PRR14L: variants seen among roughly 807,000 people sequenced by gnomAD.
The protein encoded by PRR14L is proline rich 14 like, also known as protein PRR14L.
Under a neutral mutation model 155.0 loss-of-function variants are expected in PRR14L, and 80 were observed. That is an observed-to-expected ratio of 0.52 (90% confidence interval 0.43 to 0.62). The LOEUF (loss-of-function observed/expected upper bound fraction) is 0.62. Ranked by LOEUF, PRR14L falls within the 20% of genes least tolerant of loss-of-function variation. PRR14L has a pLI of 0.00. For missense variants in PRR14L, 2,469 were observed against 2,548.0 expected (o/e 0.97, Z 0.67); for synonymous variants, 883 against 916.0 (o/e 0.96, Z 0.65).
chr22:31,702,170 G>A (rs1318990682), intron 6 of PRR14L, among the ~76,000 whole-genome samples: 1 of 152,140 alleles, frequency 6.6e-6, no homozygotes, highest in Non-Finnish European at 1.5e-5. Flanking sequence ...CTCTAGAGAT[G>A]ACTCTATTAA....
intron 1 of PRR14L, among the ~76,000 whole-genome samples, chr22:31,741,695 A>G (rs1408832596): frequency 6.6e-6 from 1 of 152,070 alleles, no homozygotes; most frequent in Non-Finnish European, 1.5e-5. Flanking sequence ...GATATGGTGA[A>G]ACCCTGTCTC....
At chr22:31,733,304 T>G (rs1879363461) in intron 2 of PRR14L, among the ~76,000 whole-genome samples, 2 of 138,450 alleles carry the variant, frequency 1.4e-5, no homozygotes, top group Non-Finnish European at 3.1e-5. Flanking sequence ...CACTGTTTTT[T>G]TTTTTTTTTT....
In PRR14L at chr22:31,715,468, C is replaced by A. The variant is rs2074651916; in HGVS notation, c.2371G>T (p.Val791Leu). ...TTTTCCTGGGATACATTTTTTCTTA[C>A]ACGATGACAGCTAGAGATATCCTGA... ...QSQDISSCHR[V>L]RKNVSQENMC... Residue 791 changes from valine to leucine, a missense_variant, in exon 4 of 9, where the codon GTA (valine) becomes TTA (leucine). This residue lies in a region of PRR14L where 2,363 missense variants were observed against 2,371.6 expected (regional missense o/e 1.00). Coordinates refer to ENST00000327423, the MANE Select transcript of PRR14L (RefSeq NM_173566.3). 1 of 1,552,338 alleles carries A rather than the reference C, an allele frequency of 6.4e-7. No individual in the cohort carries two copies. Among genetic ancestry groups the A allele is most frequent in the Non-Finnish European group, 8.7e-7 (1 of 1,147,126 alleles).
chr22:31,717,107 T>C lies in PRR14L; in HGVS notation c.732A>G (p.Ser244=), dbSNP rs974210573. ...VDKIMTSDEV[S]ETSTLVTPEP... is the part of the protein sequence containing the mutation. ...CTGGGGTAACTAATGTGCTGGTTTC[T>C]GAAACCTCATCACTGGTCATGATTT... is the stretch of plus-strand genomic sequence containing the variant. Residue 244 remains serine (S), a synonymous_variant, in exon 4 of 9, where the codon TCA becomes TCG. Coordinates refer to ENST00000327423, the MANE Select transcript of PRR14L (RefSeq NM_173566.3). The C allele has an allele frequency of 7.7e-6, 12 of 1,552,172 alleles. No individual in the cohort carries two copies. In the African/African-American group the frequency reaches 1.4e-4, roughly 18 times the overall value.
chr22:31,716,103 T>A lies in PRR14L; in HGVS notation c.1736A>T (p.Asp579Val), dbSNP rs1371507271. The A allele has an allele frequency of 6.4e-7, 1 of 1,551,230 alleles. No homozygotes were observed. Among genetic ancestry groups the A allele is most frequent in the Middle Eastern group, 1.7e-4 (1 of 5,992 alleles). The change falls in exon 4 of 9, where the codon GAT (aspartate) becomes GTT (valine). Residue 579 changes from aspartate (D) to valine (V), a missense_variant. By Grantham distance (152) the Asp-to-Val change is radical. This residue lies in a region of PRR14L where 2,363 missense variants were observed against 2,371.6 expected (regional missense o/e 1.00). Coordinates refer to ENST00000327423, the MANE Select transcript of PRR14L (RefSeq NM_173566.3). ...TACCTCACTTACAGGACTTATTTGA[T>A]CCTCTGGCATTAAACTCACAATGGA... ...RKSIVSLMPE[D>V]QISPVSEVLK...
At chr22:31,720,373 T>C (rs2147867416) in intron 3 of PRR14L, among the ~76,000 whole-genome samples, 1 of 152,278 alleles carries the variant, frequency 6.6e-6, no homozygotes, top group South Asian at 2.1e-4. Context: ...CAACACACAA[T>C]ACTTATCATT....
At chr22:31,733,009 C>CA (rs1166409096) in intron 2 of PRR14L, among the ~76,000 whole-genome samples, 1 of 143,666 alleles carries the variant, frequency 7.0e-6, no homozygotes, top group Non-Finnish European at 1.5e-5. Flanking sequence ...TTTTTTGAGA[C>CA]AGAGTTTTGC....
chr22:31,736,028 G>A (rs1282512505), intron 2 of PRR14L, among the ~76,000 whole-genome samples: 2 of 149,316 alleles, frequency 1.3e-5, no homozygotes, highest in East Asian at 3.9e-4. Context: ...ACTCCAGCCT[G>A]GGCAACAGAG....
intron 7 of PRR14L, among the ~76,000 whole-genome samples, chr22:31,700,353 T>A (rs1367019910): frequency 6.6e-6 from 1 of 152,214 alleles, no homozygotes; most frequent in Admixed American, 6.5e-5. Context: ...ATCTCGGATA[T>A]CTGAAATATT....
chr22:31,703,767 ACTT>A, intron 5 of PRR14L, 46 bp from the exon 6 acceptor site: 1 of 1,217,178 alleles, frequency 8.2e-7, no homozygotes, highest in Non-Finnish European at 1.1e-6. Context: ...TTCCCTTTCT[ACTT>A]CCAGCACATT....
chr22:31,688,925 C>CACACACACACAA (rs1165552534), intron 7 of PRR14L, among the ~76,000 whole-genome samples: 3 of 151,240 alleles, frequency 2.0e-5, no homozygotes, highest in Non-Finnish European at 4.4e-5. Flanking sequence ...CACACACACA[C>CACACACACACAA]AAAAACCCTT....
At chr22:31,710,196 C>T (rs538363687) in intron 4 of PRR14L, among the ~76,000 whole-genome samples, 3 of 152,282 alleles carry the variant, frequency 2.0e-5, no homozygotes, top group Admixed American at 2.0e-4. Context: ...CCTGCCTTGG[C>T]CTCCCGAAGT....
At position 31,703,653 on chromosome 22, in the gene PRR14L, A is replaced by G. The variant is rs1198456033; in HGVS notation, c.5897T>C (p.Leu1966Pro). The G allele has an allele frequency of 6.2e-7, 1 of 1,613,308 alleles. No homozygotes were observed. The highest frequency in any genetic ancestry group is 1.7e-5 in the Admixed American group (1 of 59,892). Reference sequence around the variant, plus strand: ...CTGGAACTCAGAGGCTGAAAGCAGGAGCTTGCTGACAGCTGATTCTGCTAC... The same window carrying G: ...CTGGAACTCAGAGGCTGAAAGCAGGGGCTTGCTGACAGCTGATTCTGCTAC... ...CLVAESAVSK[L>P]LLSASEFQVR... Residue 1966 changes from leucine (L) to proline (P), a missense_variant, in exon 6 of 9, where the codon CTC becomes CCC. Around this residue, in one of 2 missense-constraint regions of PRR14L, gnomAD observed 2,363 missense variants for 2,371.6 expected, o/e 1.00. Coordinates refer to ENST00000327423, the MANE Select transcript of PRR14L (RefSeq NM_173566.3).
rs747179873 is a variant in PRR14L, at chr22:31,712,484, A to G, written c.5355T>C (p.His1785=). The G allele has an allele frequency of 6.4e-7, 1 of 1,552,302 alleles. No individual in the cohort carries two copies. Among genetic ancestry groups the G allele is most frequent in the Non-Finnish European group, 8.7e-7 (1 of 1,147,228 alleles). Residue 1785 remains histidine (H), a synonymous_variant, in exon 4 of 9, where the codon CAT becomes CAC. Transcript: ENST00000327423. The part of the protein sequence containing the change: ...MATFREDTGV[H]SQTHTQAPPQ... Reference sequence around the variant, plus strand: ...GAGGAGCCTGAGTGTGGGTCTGACTATGGACGCCAGTGTCTTCCCTGAATG... The same window carrying G: ...GAGGAGCCTGAGTGTGGGTCTGACTGTGGACGCCAGTGTCTTCCCTGAATG...
At chr22:31,733,450 A>G (rs533882426) in intron 2 of PRR14L, among the ~76,000 whole-genome samples, 1 of 151,650 alleles carries the variant, frequency 6.6e-6, no homozygotes, top group African/African-American at 2.4e-5. Flanking sequence ...GATTACGGCC[A>G]TGCATCACTG....
At chr22:31,728,911 A>G (rs1482361979) in intron 2 of PRR14L, among the ~76,000 whole-genome samples, 3 of 152,142 alleles carry the variant, frequency 2.0e-5, no homozygotes, top group Non-Finnish European at 2.9e-5. Context: ...AATAAAAACC[A>G]AGCATGGTAT....
At chr22:31,718,230 C>T (rs1351860976) in intron 3 of PRR14L, among the ~76,000 whole-genome samples, 1 of 150,332 alleles carries the variant, frequency 6.7e-6, no homozygotes, top group African/African-American at 2.4e-5. Context: ...GCCCGGCCCG[C>T]CCAGCTAATT....
intron 1 of PRR14L, among the ~76,000 whole-genome samples, chr22:31,743,820 C>T (rs967223233): frequency 1.3e-5 from 2 of 150,210 alleles, no homozygotes; most frequent in Non-Finnish European, 3.0e-5. Flanking sequence ...AAAAAAAGAA[C>T]CTGACCTTGA....
At chr22:31,734,826 C>G (rs2074769796) in intron 2 of PRR14L, among the ~76,000 whole-genome samples, 1 of 152,200 alleles carries the variant, frequency 6.6e-6, no homozygotes, top group African/African-American at 2.4e-5. Context: ...GTATAATACT[C>G]TAGCTGTGGC....
Sources: allele counts gnomAD v4.1 joint callset (sites outside exome capture counted in the v4.1 genomes callset), GRCh38; gene constraint gnomAD v4.1.1; regional missense constraint gnomAD v4.1.1; transcripts MANE v1.5; gene names NCBI Gene and HGNC (gene_info 2026-07-23, HGNC 2026-07-21).